ESRP1: variants seen among roughly 807,000 people sequenced by gnomAD.
ESRP1 encodes epithelial splicing regulatory protein 1.
In ESRP1, 33 loss-of-function variants were observed where a neutral mutation model predicts 81.7. The ratio of observed to expected loss-of-function variants is 0.40; its 90% CI spans 0.31 to 0.54. The LOEUF is 0.54. ESRP1 is among the 20% of genes least tolerant of loss of function. The pLI is 0.41. For synonymous variants in ESRP1, 320 were observed against 303.3 expected, an observed-to-expected ratio of 1.06 and a Z score of -0.57; for missense variants, 672 against 833.1, an observed-to-expected ratio of 0.81 and a Z score of 2.38.
At chr8:94,677,814 A>T (rs1354218210) in intron 12 of ESRP1, among the ~76,000 whole-genome samples, 1 of 152,224 alleles carries the variant, frequency 6.6e-6, no homozygotes, top group Non-Finnish European at 1.5e-5. Flanking sequence ...ATAACTTAAA[A>T]TTTAAAATAT....
chr8:94,668,008 CG>C lies in ESRP1; in HGVS notation c.996del (p.Leu333SerfsTer55). The C allele has an allele frequency of 6.2e-7, 1 of 1,613,070 alleles. No homozygotes were observed. The highest frequency in any genetic ancestry group is 8.5e-7 in the Non-Finnish European group (1 of 1,179,328). On this transcript the variant is annotated frameshift_variant, in exon 10 of 16. Coordinates refer to ENST00000433389, the MANE Select transcript of ESRP1 (RefSeq NM_017697.4). LOFTEE classifies it high-confidence loss of function. ...GGAAAATCAAGTCATTGTCCGCATG[CG>C]GGGGCTCCCTTTCACGGCCACAGCT... ...SKENQVIVRMRGLPFTATAEE... is the reference protein window; with the variant it reads ...SKENQVIVRMXGLPFTATAEE...
At chr8:94,676,556 G>C (rs1808645251) in intron 12 of ESRP1, among the ~76,000 whole-genome samples, 1 of 151,942 alleles carries the variant, frequency 6.6e-6, no homozygotes, top group Non-Finnish European at 1.5e-5. Flanking sequence ...CTGGCATGCA[G>C]TGGCTCAGTC....
chr8:94,654,942 A>G (rs1818322598), intron 4 of ESRP1, among the ~76,000 whole-genome samples: 1 of 151,800 alleles, frequency 6.6e-6, no homozygotes, highest in Non-Finnish European at 1.5e-5. Flanking sequence ...AGAAAAAAAA[A>G]GTAAGCTGAG....
Position 94,671,512 on chromosome 8 carries a change from A to G in ESRP1, c.1293A>G (p.Pro431=). Residue 431 remains proline, a synonymous_variant, in exon 11 of 16, where the codon CCA becomes CCG. Coordinates refer to ENST00000433389, the MANE Select transcript of ESRP1 (RefSeq NM_017697.4). ...LIPLPTPPII[P]VLPQQFVPPT... ...CACTTCCAACCCCTCCCATTATTCC[A>G]GTACTACCTCAGCAATTTGTGCCCC... 3 of 1,613,766 alleles carry G rather than the reference A, an allele frequency of 1.9e-6. No individual in the cohort carries two copies. The highest frequency in any genetic ancestry group is 1.3e-5 in the African/African-American group (1 of 74,962).
intron 10 of ESRP1, 190 bp downstream of exon 10, chr8:94,668,440 A>G (rs2130628990): frequency 4.2e-6 from 2 of 477,152 alleles, no homozygotes; most frequent in Non-Finnish European, 7.2e-6. Flanking sequence ...CACAACACAT[A>G]CTACGTATTT....
At chr8:94,677,685 G>T (rs1808701440) in intron 12 of ESRP1, among the ~76,000 whole-genome samples, 1 of 152,292 alleles carries the variant, frequency 6.6e-6, no homozygotes, top group Non-Finnish European at 1.5e-5. Flanking sequence ...TTTTAGGTCA[G>T]TTCCTTCTGG....
chr8:94,642,137 AC>A (rs758842552), intron 2 of ESRP1, 53 bp downstream of exon 2: 6 of 1,582,678 alleles, frequency 3.8e-6, no homozygotes, highest in Non-Finnish European at 4.3e-6. Context: ...ACCCCACCGC[AC>A]CCTACGCCCT....
At chr8:94,657,525 C>G (rs1267897056) in intron 4 of ESRP1, among the ~76,000 whole-genome samples, 3 of 147,250 alleles carry the variant, frequency 2.0e-5, no homozygotes, top group Non-Finnish European at 4.5e-5. Context: ...CTTGGGCATT[C>G]AGGAGGTTGG....
intron 9 of ESRP1, among the ~76,000 whole-genome samples, chr8:94,666,423 G>A (rs1245925841): frequency 6.6e-6 from 1 of 152,176 alleles, no homozygotes; most frequent in Non-Finnish European, 1.5e-5. Flanking sequence ...TTAATATGTT[G>A]TCAATATTTT....
At chr8:94,676,824 G>A (rs1222234726) in intron 12 of ESRP1, among the ~76,000 whole-genome samples, 2 of 151,768 alleles carry the variant, frequency 1.3e-5, no homozygotes, top group Non-Finnish European at 1.5e-5. Context: ...TTGGTGTGAG[G>A]CACTGTCCTG....
chr8:94,693,368 G>A (rs909672189), intron 14 of ESRP1, among the ~76,000 whole-genome samples: 6 of 152,096 alleles, frequency 3.9e-5, no homozygotes, highest in African/African-American at 1.4e-4. Flanking sequence ...GTTTATTCTC[G>A]TGACTAATGT....
intron 15 of ESRP1, among the ~76,000 whole-genome samples, chr8:94,698,685 A>AAG (rs1461523203): frequency 6.6e-6 from 1 of 152,204 alleles, no homozygotes; most frequent in Non-Finnish European, 1.5e-5. Context: ...GAGTTTTCTG[A>AAG]AGCTGGCATG....
intron 13 of ESRP1, among the ~76,000 whole-genome samples, chr8:94,682,005 CAT>C (rs993590313): frequency 1.3e-5 from 2 of 152,196 alleles, no homozygotes; most frequent in African/African-American, 4.8e-5. Flanking sequence ...ATGTATGCCT[CAT>C]GTGGTTTTGT....
chr8:94,645,372 G>C (rs77793116), intron 3 of ESRP1, among the ~76,000 whole-genome samples: 93 of 152,026 alleles, frequency 6.1e-4, no homozygotes, highest in African/African-American at 2.1e-3. Context: ...AATCTGAATT[G>C]AGTTTTTAAA....
intron 13 of ESRP1, among the ~76,000 whole-genome samples, chr8:94,688,792 A>AG (rs1809251327): frequency 6.6e-6 from 1 of 152,184 alleles, no homozygotes; most frequent in Admixed American, 6.5e-5. Context: ...GAATTTGTGA[A>AG]GAAAAAGTCA....
chr8:94,679,656 T>C (rs80243997), intron 13 of ESRP1, among the ~76,000 whole-genome samples: 1 of 145,424 alleles, frequency 6.9e-6, no homozygotes, highest in Non-Finnish European at 1.5e-5. Flanking sequence ...TGTAGGTCAA[T>C]TTTTTTTTTT....
chr8:94,671,233 C>G (rs1244052689), intron 10 of ESRP1, among the ~76,000 whole-genome samples: 2 of 152,070 alleles, frequency 1.3e-5, no homozygotes, highest in East Asian at 3.9e-4. Flanking sequence ...TCATGCTTTC[C>G]CTGCTGGAAT....
At chr8:94,683,587 C>A (rs578118388) in intron 13 of ESRP1, among the ~76,000 whole-genome samples, 1 of 152,178 alleles carries the variant, frequency 6.6e-6, no homozygotes, top group Admixed American at 6.5e-5. Context: ...AAAAAGAATT[C>A]TTGATTTAAA....
rs781503236 is a variant in ESRP1, at chr8:94,650,679, G to T, written c.490+4397G>T. 2.6e-5 allele frequency among the ~76,000 whole-genome samples: 4 copies of T among 152,086 alleles called. No homozygotes were observed. The South Asian group carries it at 8.3e-4, about 31-fold the overall frequency. On this transcript the variant is annotated intron_variant, in intron 4 of 15. Coordinates refer to ENST00000433389, the MANE Select transcript of ESRP1 (RefSeq NM_017697.4). ...TGAATAGTGCTGTTATAAACATCAC[G>T]TGCAGGTTTTCATATGGACATAGGT...
Sources: allele counts gnomAD v4.1 joint callset (sites outside exome capture counted in the v4.1 genomes callset), GRCh38; gene constraint gnomAD v4.1.1; transcripts MANE v1.5; gene names NCBI Gene and HGNC (gene_info 2026-07-23, HGNC 2026-07-21).